SYN3: variants seen among roughly 807,000 people sequenced by gnomAD.
The protein encoded by SYN3 is synapsin-3.
A neutral mutation model predicts 65.8 loss-of-function variants in SYN3; 35 were observed. The observed-to-expected ratio is 0.53, with a 90% CI of 0.41 to 0.70. The LOEUF (loss-of-function observed/expected upper bound fraction) is 0.70. SYN3 is among the 30% of genes least tolerant of loss of function. The pLI, the probability that SYN3 is intolerant of heterozygous loss-of-function variation, is 0.00. For missense variants in SYN3, 680 were observed against 749.0 expected (o/e 0.91, Z 1.08); for synonymous variants, 270 against 292.9 (o/e 0.92, Z 0.80).
At chr22:32,898,877 T>C (rs986833104) in intron 4 of SYN3, among the ~76,000 whole-genome samples, 2 of 152,018 alleles carry the variant, frequency 1.3e-5, no homozygotes, top group East Asian at 1.9e-4. Context: ...CCGAGGCGGG[T>C]GGATCACGAG....
intron 4 of SYN3, among the ~76,000 whole-genome samples, chr22:32,887,820 T>A (rs2049335046): frequency 6.6e-6 from 1 of 152,180 alleles, no homozygotes; most frequent in African/African-American, 2.4e-5. Flanking sequence ...AAGATTCTTA[T>A]AAAAGTCATT....
At chr22:32,960,594 G>A (rs538336207) in intron 3 of SYN3, among the ~76,000 whole-genome samples, 3 of 152,254 alleles carry the variant, frequency 2.0e-5, no homozygotes, top group South Asian at 2.1e-4. Context: ...ATGTGACTGC[G>A]CGTCTTGCAT....
chr22:32,524,445 GC>G (rs1396703365), intron 12 of SYN3, among the ~76,000 whole-genome samples: 2 of 152,184 alleles, frequency 1.3e-5, no homozygotes, highest in African/African-American at 4.8e-5. Flanking sequence ...AATCTACTCT[GC>G]CTGTGCTGTG....
At chr22:32,798,077 G>T (rs1288430465) in intron 6 of SYN3, among the ~76,000 whole-genome samples, 2 of 152,090 alleles carry the variant, frequency 1.3e-5, no homozygotes, top group Non-Finnish European at 2.9e-5. Flanking sequence ...ATAGTGATAT[G>T]TTTGGAATGC....
intron 6 of SYN3, among the ~76,000 whole-genome samples, chr22:32,772,253 C>G (rs1400729596): frequency 6.9e-6 from 1 of 145,806 alleles, no homozygotes; most frequent in Non-Finnish European, 1.5e-5. Flanking sequence ...CTTCTTCTTT[C>G]TTTTTCTTTT....
intron 4 of SYN3, among the ~76,000 whole-genome samples, chr22:32,879,936 T>C (rs573242528): frequency 3.2e-4 from 48 of 152,344 alleles, no homozygotes; most frequent in African/African-American, 1.1e-3. Context: ...TCTGCTCTTG[T>C]GTCTTTGAGA....
chr22:33,053,733 G>A (rs899921024), intron 1 of SYN3, among the ~76,000 whole-genome samples: 3 of 152,018 alleles, frequency 2.0e-5, no homozygotes, highest in African/African-American at 7.2e-5. Flanking sequence ...CCAACCACCC[G>A]CCAACCCCCA....
intron 7 of SYN3, among the ~76,000 whole-genome samples, chr22:32,566,636 C>G (rs1380160547): frequency 6.6e-6 from 1 of 152,176 alleles, no homozygotes; most frequent in African/African-American, 2.4e-5. Context: ...CATGAATTAT[C>G]TTTGCCAGAC....
chr22:32,950,398 C>T (rs573578427), intron 3 of SYN3, among the ~76,000 whole-genome samples: 71 of 152,248 alleles, frequency 4.7e-4, no homozygotes, highest in African/African-American at 1.5e-3. Context: ...CCTCCACATT[C>T]TGCCTCTCTG....
chr22:32,928,755 C>G (rs1369062371), intron 4 of SYN3, among the ~76,000 whole-genome samples: 1 of 152,172 alleles, frequency 6.6e-6, no homozygotes, highest in Non-Finnish European at 1.5e-5. Flanking sequence ...CTGCTCTATT[C>G]TCTTTTACCT....
At chr22:32,858,163 A>G in intron 6 of SYN3, 1 of 1,611,094 alleles carries the variant, frequency 6.2e-7, no homozygotes, top group Non-Finnish European at 8.5e-7. Context: ...CACTGGGGGA[A>G]GGAGGGGAGG....
intron 13 of SYN3, among the ~76,000 whole-genome samples, chr22:32,515,014 A>C (rs1228528040): frequency 7.1e-6 from 1 of 140,156 alleles, no homozygotes; most frequent in African/African-American, 2.9e-5. Flanking sequence ...ACTCCATCTC[A>C]AAAAAAAAAA....
At chr22:32,782,418 T>A (rs2046090251) in intron 6 of SYN3, among the ~76,000 whole-genome samples, 1 of 151,928 alleles carries the variant, frequency 6.6e-6, no homozygotes, top group South Asian at 2.1e-4. Context: ...ACCAGGCTGG[T>A]CTCAAACTCC....
At chr22:32,859,029 A>G in intron 6 of SYN3, 1 of 736,886 alleles carries the variant, frequency 1.4e-6, no homozygotes, top group Non-Finnish European at 2.5e-6. Flanking sequence ...CAGATGCTCA[A>G]GCTAGTGCTA....
intron 6 of SYN3, among the ~76,000 whole-genome samples, chr22:32,604,692 G>C (rs2059342408): frequency 6.6e-6 from 1 of 152,076 alleles, no homozygotes; most frequent in African/African-American, 2.4e-5. Flanking sequence ...TCTTTTCCTA[G>C]CTCTAGACAC....
In SYN3 at chr22:32,801,962, G is replaced by C; in HGVS notation, c.711+62953C>G. On this transcript the variant is annotated intron_variant, in intron 6 of 13. Coordinates refer to ENST00000358763, the MANE Select transcript of SYN3 (RefSeq NM_003490.4). This position sits in a 1 kb window ranked among gnomAD's most constrained non-coding sequence, Gnocchi z 4.7. Reference sequence around the variant, plus strand: ...CGGCGGCGCGCACGGCAACTTTGGAGAGGCGAGCAGCAGCCCCGGCAGCGG... The same window carrying C: ...CGGCGGCGCGCACGGCAACTTTGGACAGGCGAGCAGCAGCCCCGGCAGCGG... 17 of 1,570,600 alleles carry C rather than the reference G, an allele frequency of 1.1e-5. No homozygotes were observed. Among genetic ancestry groups the C allele is most frequent in the Non-Finnish European group, 1.5e-5 (17 of 1,166,714 alleles).
intron 2 of SYN3, among the ~76,000 whole-genome samples, chr22:32,998,433 T>C (rs940246634): frequency 2.0e-5 from 3 of 151,972 alleles, no homozygotes; most frequent in African/African-American, 7.3e-5. Flanking sequence ...AAGAAACCAT[T>C]GGGAAGGGTG....
intron 6 of SYN3, among the ~76,000 whole-genome samples, chr22:32,855,761 G>C (rs1253037590): frequency 6.6e-6 from 1 of 152,102 alleles, no homozygotes; most frequent in Non-Finnish European, 1.5e-5. Flanking sequence ...AACCAAAATT[G>C]TCTCCAGACA....
chr22:32,624,298 C>G, intron 6 of SYN3, among the ~76,000 whole-genome samples: 1 of 152,216 alleles, frequency 6.6e-6, no homozygotes, highest in Non-Finnish European at 1.5e-5. Context: ...TCCCCAGAGG[C>G]TGGGTGGGGG....
Sources: allele counts gnomAD v4.1 joint callset (sites outside exome capture counted in the v4.1 genomes callset), GRCh38; gene constraint gnomAD v4.1.1; non-coding constraint Gnocchi (gnomAD v3.1); transcripts MANE v1.5; gene names NCBI Gene and HGNC (gene_info 2026-07-23, HGNC 2026-07-21).